The following ATP8B1 variants were observed in gnomAD, a reference collection of about 807,000 sequenced individuals.
The protein encoded by ATP8B1 is ATPase phospholipid transporting 8B1, also known as phospholipid-transporting ATPase IC.
Under a neutral mutation model 149.9 loss-of-function variants are expected in ATP8B1, and 80 were observed. The ratio of observed to expected loss-of-function variants is 0.53; its 90% CI spans 0.45 to 0.64. The LOEUF is 0.64. ATP8B1 is among the 30% of genes least tolerant of loss of function. ATP8B1 has a pLI of 0.00. For synonymous variants in ATP8B1, 536 were observed against 562.8 expected (o/e 0.95, Z 0.67); for missense variants, 1,247 against 1,552.6 (o/e 0.80, Z 3.31).
intron 1 of ATP8B1, among the ~76,000 whole-genome samples, chr18:57,761,104 AAATAAAATAT>A (rs2080151461): frequency 1.7e-5 from 2 of 118,330 alleles, no homozygotes; most frequent in African/African-American, 3.0e-5. Flanking sequence ...ATAAAAAATA[AAATAAAATAT>A]AAAATAAAAT....
At chr18:57,728,744 G>C (rs2079732255) in intron 2 of ATP8B1, among the ~76,000 whole-genome samples, 1 of 146,766 alleles carries the variant, frequency 6.8e-6, no homozygotes, top group Non-Finnish European at 1.5e-5. Flanking sequence ...TTTTGAGATG[G>C]AGTCTCACTT....
chr18:57,667,273 A>G, intron 19 of ATP8B1, 106 bp from the exon 20 acceptor site: 1 of 909,554 alleles, frequency 1.1e-6, no homozygotes, highest in South Asian at 1.4e-5. Context: ...GCTGGAGTGC[A>G]GTGGCACAAT....
chr18:57,755,967 C>T (rs569229178), intron 1 of ATP8B1, among the ~76,000 whole-genome samples: 1 of 151,964 alleles, frequency 6.6e-6, no homozygotes, highest in East Asian at 1.9e-4. Context: ...CCCCTTTACC[C>T]CTAAATACTT....
Position 57,792,623 on chromosome 18 carries a change from G to A in ATP8B1, c.-26+10375C>T, listed in dbSNP as rs559688163. On this transcript the variant is annotated intron_variant, in intron 1 of 27. Coordinates refer to ENST00000648908, the MANE Select transcript of ATP8B1 (RefSeq NM_001374385.1). ...GGCGATAAACCAGGCAGAGCTAAAA[G>A]GTACAGGATTTCTGTTAGGGGTGAT... is the stretch of plus-strand genomic sequence containing the variant. Among the ~76,000 whole-genome samples, 12 of 152,266 alleles carry A rather than the reference G, an allele frequency of 7.9e-5. No individual in the cohort carries two copies. In the East Asian group the frequency reaches 2.1e-3, roughly 27 times the overall value.
Position 57,671,461 on chromosome 18 carries a change from A to G in ATP8B1, c.1932+7T>C, listed in dbSNP as rs368601864. Reference sequence around the variant, plus strand: ...TCCCTTGCAGAAAGAATAAAAGTGAAACTTACATCCAGGGCATCCTGTGTT... The same window carrying G: ...TCCCTTGCAGAAAGAATAAAAGTGAGACTTACATCCAGGGCATCCTGTGTT... On this transcript the variant is annotated splice_region_variant and intron_variant, in intron 17 of 27. Transcript: ENST00000648908. 10 of 1,598,780 alleles carry G rather than the reference A, an allele frequency of 6.3e-6. No individual in the cohort carries two copies. In the African/African-American group the frequency reaches 1.2e-4, roughly 19 times the overall value.
intron 1 of ATP8B1, among the ~76,000 whole-genome samples, chr18:57,756,521 G>A (rs558685832): frequency 5.9e-5 from 9 of 151,900 alleles, no homozygotes; most frequent in South Asian, 2.1e-4. Flanking sequence ...GGCTGGTCTC[G>A]AACTCCTGAC....
intron 1 of ATP8B1, among the ~76,000 whole-genome samples, chr18:57,743,740 G>A (rs2079939679): frequency 6.6e-6 from 1 of 152,172 alleles, no homozygotes; most frequent in Non-Finnish European, 1.5e-5. Context: ...AAGTAAGGCA[G>A]CTCATGCAGC....
At chr18:57,725,031 C>T (rs1316306603) in intron 2 of ATP8B1, among the ~76,000 whole-genome samples, 1 of 114,584 alleles carries the variant, frequency 8.7e-6, no homozygotes, top group Non-Finnish European at 1.8e-5. Flanking sequence ...TATTCTCACT[C>T]ATAGGTGGGA....
At position 57,731,800 on chromosome 18, in the gene ATP8B1, G is replaced by T. The variant is rs202024093; in HGVS notation, c.8C>A (p.Thr3Lys). The change falls in exon 2 of 28, where the codon ACA becomes AAA. Residue 3 changes from threonine to lysine, a missense_variant. Around this residue, in one of 3 missense-constraint regions of ATP8B1, gnomAD observed 853 missense variants for 1,035.7 expected, o/e 0.82. Transcript: ENST00000648908. MS[T>K]ERDSETTFDE... ...AAATGTCGTTTCTGAGTCTCTTTCT[G>T]TACTCATTCTGCTGGCAAATTGGAA... 20 of 1,613,968 alleles carry T rather than the reference G, an allele frequency of 1.2e-5. No homozygotes were observed. The African/African-American group carries it at 2.1e-4, about 17-fold the overall frequency.
intron 1 of ATP8B1, among the ~76,000 whole-genome samples, chr18:57,761,652 ATT>A (rs909177430): frequency 7.1e-6 from 1 of 141,660 alleles, no homozygotes. Context: ...TTCTTTTCCT[ATT>A]TTTTTTTTTA....
intron 1 of ATP8B1, among the ~76,000 whole-genome samples, chr18:57,749,440 A>G (rs2079995382): frequency 1.3e-5 from 2 of 152,214 alleles, no homozygotes; most frequent in African/African-American, 4.8e-5. Flanking sequence ...CTTGAATGCA[A>G]CTGGACTCCA....
At chr18:57,650,122 T>TC (rs1909506255) in intron 27 of ATP8B1, among the ~76,000 whole-genome samples, 1 of 152,208 alleles carries the variant, frequency 6.6e-6, no homozygotes, top group Non-Finnish European at 1.5e-5. Flanking sequence ...AGGAGATAGA[T>TC]ATATGGGGCT....
intron 16 of ATP8B1, among the ~76,000 whole-genome samples, chr18:57,672,931 T>TGTATAA (rs1911334874): frequency 3.0e-5 from 1 of 33,218 alleles, no homozygotes; most frequent in Non-Finnish European, 4.9e-5. Flanking sequence ...TATATATATA[T>TGTATAA]AACATGTATA....
intron 1 of ATP8B1, among the ~76,000 whole-genome samples, chr18:57,773,041 A>C (rs2080276621): frequency 1.3e-5 from 2 of 151,950 alleles, no homozygotes; most frequent in South Asian, 2.1e-4. Flanking sequence ...AATCTCTACT[A>C]AAAATACAAA....
In ATP8B1 at chr18:57,678,431, T is replaced by TA. The variant is rs1911730327; in HGVS notation, c.1631-3410dup. On this transcript the variant is annotated intron_variant, in intron 15 of 27. Coordinates refer to ENST00000648908, the MANE Select transcript of ATP8B1 (RefSeq NM_001374385.1). Reference sequence around the variant, plus strand: ...TGAAACCCCGTCTCTACTAAAAATGTAAAAAATTAGCCACGTGTGGTGGTA... The same window carrying TA: ...TGAAACCCCGTCTCTACTAAAAATGTAAAAAAATTAGCCACGTGTGGTGGTA... Among the ~76,000 whole-genome samples, 4 of 151,118 alleles carry TA rather than the reference T, an allele frequency of 2.6e-5. No individual in the cohort carries two copies. In the South Asian group the frequency reaches 8.4e-4, roughly 32 times the overall value.
At chr18:57,799,581 C>A (rs927703550) in intron 1 of ATP8B1, among the ~76,000 whole-genome samples, 1 of 151,780 alleles carries the variant, frequency 6.6e-6, no homozygotes, top group Non-Finnish European at 1.5e-5. Context: ...TGGTGGCACA[C>A]GCCTGTGATC....
At chr18:57,704,782 A>C in intron 3 of ATP8B1, 114 bp from the exon 4 acceptor site, 2 of 750,754 alleles carry the variant, frequency 2.7e-6, no homozygotes, top group Non-Finnish European at 4.6e-6. Context: ...ATCATCTGTC[A>C]GAAAGATATT....
chr18:57,706,138 GAAGGGGAAGAT>G (rs754343622), intron 3 of ATP8B1, among the ~76,000 whole-genome samples: 2 of 152,210 alleles, frequency 1.3e-5, no homozygotes, highest in Non-Finnish European at 2.9e-5. Flanking sequence ...TCCAGGCAGA[GAAGGGGAAGAT>G]AAGTTCTTAA....
chr18:57,795,557 C>T (rs1599248988), intron 1 of ATP8B1, among the ~76,000 whole-genome samples: 2 of 152,196 alleles, frequency 1.3e-5, no homozygotes, highest in Middle Eastern at 3.4e-3. Flanking sequence ...ACTTGTGCTA[C>T]AACATAGATG....
Sources: allele counts gnomAD v4.1 joint callset (sites outside exome capture counted in the v4.1 genomes callset), GRCh38; gene constraint gnomAD v4.1.1; regional missense constraint gnomAD v4.1.1; transcripts MANE v1.5; gene names NCBI Gene and HGNC (gene_info 2026-07-23, HGNC 2026-07-21).